DIAPH2: variants seen among roughly 807,000 people sequenced by gnomAD.
DIAPH2 encodes the protein protein diaphanous homolog 2.
Under a neutral mutation model 92.7 loss-of-function variants are expected in DIAPH2, and 35 were observed. The observed-to-expected ratio is 0.38, with a 90% confidence interval of 0.29 to 0.50. DIAPH2 has a LOEUF of 0.50. DIAPH2 is among the 20% of genes least tolerant of loss of function. The pLI is 0.94. For synonymous variants in DIAPH2, 301 were observed against 280.4 expected (o/e 1.07, Z -0.73); for missense variants, 701 against 819.5 (o/e 0.86, Z 1.77).
At chrX:97,136,414 A>G (rs140379876) in intron 21 of DIAPH2, among the ~76,000 whole-genome samples, 3,216 of 111,979 alleles carry the variant, frequency 0.029, 123 homozygotes, top group Admixed American at 0.15. Context: ...GGTAGGGTCA[A>G]GGTTCGGACC....
At chrX:97,391,321 G>A (rs993784530) in intron 25 of DIAPH2, among the ~76,000 whole-genome samples, 1 of 111,443 alleles carries the variant, frequency 9.0e-6, no homozygotes, top group Non-Finnish European at 1.9e-5. Context: ...TCCATGGGGC[G>A]TGAAAGCCTA....
chrX:97,145,936 C>A (rs189506149), intron 22 of DIAPH2, among the ~76,000 whole-genome samples: 1 of 107,129 alleles, frequency 9.3e-6, no homozygotes, highest in Non-Finnish European at 1.9e-5. Flanking sequence ...ATTTCACCTG[C>A]CCTGTACTCT....
chrX:97,550,950 C>T (rs2046627079), intron 26 of DIAPH2, among the ~76,000 whole-genome samples: 1 of 110,448 alleles, frequency 9.1e-6, no homozygotes, highest in African/African-American at 3.3e-5. Context: ...CATGAGGGCC[C>T]TGTATATCCA....
At chrX:97,390,235 T>G (rs1166610251) in intron 25 of DIAPH2, among the ~76,000 whole-genome samples, 1 of 92,934 alleles carries the variant, frequency 1.1e-5, no homozygotes, top group Non-Finnish European at 2.1e-5. Context: ...TTTTTTTTTT[T>G]TTGAGACAGG....
intron 4 of DIAPH2, among the ~76,000 whole-genome samples, chrX:96,809,881 T>C (rs1207266812): frequency 8.9e-6 from 1 of 112,230 alleles, no homozygotes; most frequent in Admixed American, 9.4e-5. Flanking sequence ...TATTCCATGG[T>C]GTATATGTGC....
At chrX:97,289,023 T>C (rs2068568696) in intron 23 of DIAPH2, among the ~76,000 whole-genome samples, 1 of 111,766 alleles carries the variant, frequency 8.9e-6, no homozygotes, top group African/African-American at 3.2e-5. Flanking sequence ...TTGTCCAGGG[T>C]GTTGCTGCTT....
intron 4 of DIAPH2, among the ~76,000 whole-genome samples, chrX:96,817,484 A>C (rs965188279): frequency 2.7e-5 from 3 of 112,013 alleles, no homozygotes; most frequent in Non-Finnish European, 5.6e-5. Flanking sequence ...TTAAATGCAA[A>C]CAATGTCATA....
intron 26 of DIAPH2, among the ~76,000 whole-genome samples, chrX:97,521,272 G>A (rs1225465513): frequency 1.8e-5 from 2 of 112,103 alleles, no homozygotes; most frequent in African/African-American, 3.2e-5. Context: ...AAGTTACCCA[G>A]TCTATGGTAT....
At chrX:96,946,247 G>T (rs2065737707) in intron 14 of DIAPH2, among the ~76,000 whole-genome samples, 1 of 111,325 alleles carries the variant, frequency 9.0e-6, no homozygotes, top group Non-Finnish European at 1.9e-5. Flanking sequence ...CTTGTTTCAT[G>T]GAAGCATAGC....
At chrX:97,245,114 TTTTG>T (rs77343014) in intron 22 of DIAPH2, among the ~76,000 whole-genome samples, 36,115 of 105,266 alleles carry the variant, frequency 0.34, 4,938 homozygotes, top group East Asian at 0.63. Context: ...CCACATGAGT[TTTTG>T]TTTGTTTGTT....
At chrX:97,585,771 C>T (rs1257432214) in intron 26 of DIAPH2, among the ~76,000 whole-genome samples, 2 of 111,565 alleles carry the variant, frequency 1.8e-5, no homozygotes, top group Admixed American at 1.9e-4. Flanking sequence ...AATCTGGCTT[C>T]TGCTCCCCTT....
rs192066 is a variant in DIAPH2, at chrX:96,811,905, A to T, written c.447+53647A>T. On this transcript the variant is annotated intron_variant, in intron 4 of 26. Coordinates refer to ENST00000324765, the MANE Select transcript of DIAPH2 (RefSeq NM_006729.5). ...ATGGTGGATAAGCTTTTTGATGTGC[A>T]GCTGGATTCGGTTTGCCAGTATTTT... is the stretch of plus-strand genomic sequence containing the variant. Among the ~76,000 whole-genome samples the T allele has an allele frequency of 6.8e-3, 761 of 111,722 alleles. 5 individuals are homozygous for T. Among genetic ancestry groups the T allele is most frequent in the African/African-American group, 0.022 (683 of 30,763 alleles).
At chrX:96,714,265 G>GTTTT (rs756277085) in intron 1 of DIAPH2, among the ~76,000 whole-genome samples, 53 of 87,743 alleles carry the variant, frequency 6.0e-4, no homozygotes, top group African/African-American at 1.9e-3. Flanking sequence ...TTGTGTGTGT[G>GTTTT]TTTTTTTTTT....
intron 23 of DIAPH2, among the ~76,000 whole-genome samples, chrX:97,274,849 C>A (rs766827669): frequency 9.1e-5 from 10 of 110,474 alleles, no homozygotes; most frequent in Admixed American, 5.8e-4. Flanking sequence ...TGACTCTTAA[C>A]GAGCATGCTG....
rs776974465 is a variant in DIAPH2, at chrX:97,601,464, A to G, written c.*2147A>G. ...CAAACATTAAAAAAAAAAACCTTTCAGGGTCTTTCATGAAGTTCCAATAGT... is the reference window on the plus strand; with the variant it reads ...CAAACATTAAAAAAAAAAACCTTTCGGGGTCTTTCATGAAGTTCCAATAGT... On this transcript the variant is annotated 3_prime_UTR_variant, in exon 27 of 27. Transcript: ENST00000324765. 1.2e-3 allele frequency: 133 copies of G among 110,770 alleles called. No homozygotes were observed. The highest frequency in any genetic ancestry group is 4.1e-3 in the African/African-American group (125 of 30,538). The allele number at this position is 110,770 out of a possible 1,213,427, so 9.1% of individuals were successfully genotyped here. A position where few individuals can be genotyped will look rare whatever the true frequency, so the allele number is the denominator to read the frequency against.
At chrX:97,011,323 A>G (rs1162958810) in intron 17 of DIAPH2, among the ~76,000 whole-genome samples, 1 of 111,956 alleles carries the variant, frequency 8.9e-6, no homozygotes, top group Non-Finnish European at 1.9e-5. Flanking sequence ...TTTGTTCATC[A>G]GCCATTCATC....
chrX:96,738,381 C>A (rs1156929214), intron 2 of DIAPH2, among the ~76,000 whole-genome samples: 1 of 110,932 alleles, frequency 9.0e-6, no homozygotes, highest in Non-Finnish European at 1.9e-5. Flanking sequence ...ATACTTTTCA[C>A]CCCCAGAGTT....
At chrX:96,975,165 G>A (rs766699576) in intron 17 of DIAPH2, among the ~76,000 whole-genome samples, 1 of 111,747 alleles carries the variant, frequency 8.9e-6, no homozygotes, top group Non-Finnish European at 1.9e-5. Flanking sequence ...ACCTTATGGT[G>A]TAACTGAGAT....
intron 24 of DIAPH2, among the ~76,000 whole-genome samples, chrX:97,376,481 C>T (rs759811000): frequency 8.0e-4 from 90 of 111,933 alleles, no homozygotes; most frequent in Non-Finnish European, 7.7e-4. Context: ...CCAGTGTGCA[C>T]GCACATATGT....
Sources: gnomAD v4.1 joint callset for allele counts (sites outside exome capture counted in the v4.1 genomes callset) on GRCh38, gnomAD v4.1.1 for gene constraint, MANE v1.5 for transcripts, NCBI Gene and HGNC (gene_info 2026-07-23, HGNC 2026-07-21) for gene names.